GRID2: variants seen among roughly 807,000 people sequenced by gnomAD.
The protein encoded by GRID2 is glutamate ionotropic receptor delta type subunit 2, also known as glutamate receptor ionotropic, delta-2.
In GRID2, 33 loss-of-function variants were observed where a neutral mutation model predicts 114.8. The observed-to-expected ratio is 0.29, with a 90% CI of 0.22 to 0.38. GRID2 has a LOEUF of 0.38. Among genes scored for constraint, GRID2 ranks in the 10% least tolerant of loss-of-function variants. GRID2 has a pLI of 1.00. For synonymous variants in GRID2, 505 were observed against 449.9 expected (o/e 1.12, Z -1.55); for missense variants, 1,184 against 1,257.7 (o/e 0.94, Z 0.89).
At chr4:92,646,924 C>A (rs62309179) in intron 2 of GRID2, among the ~76,000 whole-genome samples, 6 of 149,958 alleles carry the variant, frequency 4.0e-5, no homozygotes, top group Middle Eastern at 6.9e-3. Context: ...TTTCCTCAAG[C>A]CTTTATCCTA....
chr4:92,566,437 T>C (rs915238121), intron 1 of GRID2, among the ~76,000 whole-genome samples: 1 of 151,924 alleles, frequency 6.6e-6, no homozygotes, highest in African/African-American at 2.4e-5. Context: ...ATGAACACAG[T>C]TTCGGACAAT....
chr4:93,321,635 C>T (rs1482126623), intron 8 of GRID2, among the ~76,000 whole-genome samples: 1 of 151,988 alleles, frequency 6.6e-6, no homozygotes, highest in African/African-American at 2.4e-5. Context: ...CTAATATATT[C>T]TTACCTCACA....
chr4:93,038,562 G>A (rs1278589080), intron 2 of GRID2, among the ~76,000 whole-genome samples: 7 of 152,168 alleles, frequency 4.6e-5, no homozygotes, highest in East Asian at 1.9e-4. Context: ...AGGCCGAGGC[G>A]GGTGGATCAT....
At chr4:93,678,000 A>C (rs1725083857) in intron 14 of GRID2, among the ~76,000 whole-genome samples, 1 of 151,892 alleles carries the variant, frequency 6.6e-6, no homozygotes, top group Non-Finnish European at 1.5e-5. Context: ...AGGAAATTCA[A>C]ACCAAAGGCA....
chr4:92,842,849 A>G (rs1022758680), intron 2 of GRID2, among the ~76,000 whole-genome samples: 1 of 152,154 alleles, frequency 6.6e-6, no homozygotes, highest in African/African-American at 2.4e-5. Context: ...GAGAGAGCAG[A>G]TATCAAACAT....
At chr4:93,376,463 T>C (rs1763392780) in intron 8 of GRID2, among the ~76,000 whole-genome samples, 1 of 152,134 alleles carries the variant, frequency 6.6e-6, no homozygotes, top group African/African-American at 2.4e-5. Flanking sequence ...ATGACCCATT[T>C]TGTGACATAT....
chr4:92,318,737 G>A (rs936273490), intron 1 of GRID2, among the ~76,000 whole-genome samples: 3 of 151,870 alleles, frequency 2.0e-5, no homozygotes, highest in African/African-American at 7.3e-5. Context: ...GCCTCCCAAA[G>A]TGCTGGGATT....
chr4:92,612,369 A>G (rs115580700), intron 2 of GRID2, among the ~76,000 whole-genome samples: 3 of 151,518 alleles, frequency 2.0e-5, no homozygotes, highest in Non-Finnish European at 3.0e-5. Flanking sequence ...GCAAGTTTTG[A>G]AATCTTGAAC....
At chr4:92,756,720 A>G (rs1035869036) in intron 2 of GRID2, among the ~76,000 whole-genome samples, 6 of 152,080 alleles carry the variant, frequency 3.9e-5, no homozygotes, top group African/African-American at 1.4e-4. Context: ...ACTGATGTTG[A>G]ACATTTTTTC....
chr4:92,486,499 G>A (rs887652709), intron 1 of GRID2, among the ~76,000 whole-genome samples: 5 of 149,770 alleles, frequency 3.3e-5, no homozygotes, highest in African/African-American at 1.2e-4. Context: ...TTTACATTCT[G>A]TCCTTTCAAA....
chr4:92,675,694 G>C (rs1733316212), intron 2 of GRID2, among the ~76,000 whole-genome samples: 1 of 151,870 alleles, frequency 6.6e-6, no homozygotes, highest in African/African-American at 2.4e-5. Flanking sequence ...GGGACTACAG[G>C]GGTCCGCCAC....
intron 14 of GRID2, among the ~76,000 whole-genome samples, chr4:93,738,164 A>G (rs180920343): frequency 1.3e-5 from 2 of 152,274 alleles, no homozygotes; most frequent in East Asian, 1.9e-4. Flanking sequence ...TAAACCTGGA[A>G]GAGATTGGCA....
chr4:93,083,819 T>A (rs1730096912), intron 2 of GRID2, among the ~76,000 whole-genome samples: 1 of 152,112 alleles, frequency 6.6e-6, no homozygotes, highest in South Asian at 2.1e-4. Context: ...TTATTTTGCA[T>A]GTATTGGTTG....
chr4:93,399,170 G>C (rs1765647266), intron 9 of GRID2, among the ~76,000 whole-genome samples: 1 of 151,996 alleles, frequency 6.6e-6, no homozygotes, highest in Non-Finnish European at 1.5e-5. Flanking sequence ...CTTTCCAGAA[G>C]AGAAAAGGGA....
At chr4:93,393,536 C>T (rs1387689743) in intron 8 of GRID2, among the ~76,000 whole-genome samples, 3 of 151,766 alleles carry the variant, frequency 2.0e-5, no homozygotes, top group Non-Finnish European at 4.4e-5. Context: ...ATATATTTAC[C>T]TATTCTACCT....
At chr4:93,211,096 A>G (rs1743415022) in intron 5 of GRID2, among the ~76,000 whole-genome samples, 1 of 152,124 alleles carries the variant, frequency 6.6e-6, no homozygotes, top group Admixed American at 6.6e-5. Flanking sequence ...TTGGTTGATA[A>G]GATTGCAGAA....
At chr4:92,557,484 C>G (rs115069570) in intron 1 of GRID2, among the ~76,000 whole-genome samples, 1 of 151,152 alleles carries the variant, frequency 6.6e-6, no homozygotes, top group African/African-American at 2.4e-5. Context: ...TATATCCTAA[C>G]ACATATATTT....
chr4:93,567,212 T>C (rs1295632701), intron 13 of GRID2, among the ~76,000 whole-genome samples: 41 of 152,232 alleles, frequency 2.7e-4, no homozygotes, highest in Admixed American at 2.7e-3. Context: ...AAACATATAC[T>C]TCACTTATAG....
At chr4:93,637,387 A>T (rs1328966059) in intron 14 of GRID2, among the ~76,000 whole-genome samples, 1 of 152,186 alleles carries the variant, frequency 6.6e-6, no homozygotes, top group Non-Finnish European at 1.5e-5. Flanking sequence ...TAAAACTGAT[A>T]AGTGACAAAG....
Sources: gnomAD v4.1 joint callset for allele counts (sites outside exome capture counted in the v4.1 genomes callset) on GRCh38, gnomAD v4.1.1 for gene constraint, MANE v1.5 for transcripts, NCBI Gene and HGNC (gene_info 2026-07-23, HGNC 2026-07-21) for gene names.